Variants in CDH4 observed in about 807,000 individuals in gnomAD.
CDH4 encodes the protein cadherin 4, also known as cadherin-4.
In CDH4, 33 loss-of-function variants were observed where a neutral mutation model predicts 86.0. The ratio of observed to expected loss-of-function variants is 0.38; its 90% CI spans 0.29 to 0.51. CDH4 has a LOEUF of 0.51. Ranked by LOEUF, CDH4 falls within the 20% of genes least tolerant of loss-of-function variation. The pLI is 0.86. For missense variants in CDH4, 1,114 were observed against 1,307.4 expected, an observed-to-expected ratio of 0.85 and a Z score of 2.28; for synonymous variants, 555 against 549.4, an observed-to-expected ratio of 1.01 and a Z score of -0.14.
intron 2 of CDH4, among the ~76,000 whole-genome samples, chr20:61,659,242 G>A (rs1299251120): frequency 3.3e-5 from 5 of 152,188 alleles, no homozygotes; most frequent in African/African-American, 1.2e-4. Flanking sequence ...CTTGTACATC[G>A]GGTTAGTGTA....
Position 61,709,797 on chromosome 20 carries a change from T to C in CDH4, c.170-33766T>C, listed in dbSNP as rs1252530297. Among the ~76,000 whole-genome samples, 1 of 152,150 alleles carries C rather than the reference T, an allele frequency of 6.6e-6. No individual in the cohort carries two copies. The highest frequency in any genetic ancestry group is 2.4e-5 in the African/African-American group (1 of 41,422). On this transcript the variant is annotated intron_variant, in intron 2 of 15. Transcript: ENST00000614565. This position sits in a 1 kb window ranked among gnomAD's most constrained non-coding sequence, Gnocchi z 4.8. Reference sequence around the variant, plus strand: ...GGAGCGGGAGGTAGAGGTTCTTTCTTCTTGTTTTCCCACAGATGGCACAAG... The same window carrying C: ...GGAGCGGGAGGTAGAGGTTCTTTCTCCTTGTTTTCCCACAGATGGCACAAG...
chr20:61,609,602 A>C (rs1161514029), intron 2 of CDH4, among the ~76,000 whole-genome samples: 3 of 152,212 alleles, frequency 2.0e-5, no homozygotes, highest in African/African-American at 7.2e-5. Context: ...CAAGTTCCAC[A>C]GGGAAATTCC....
intron 2 of CDH4, among the ~76,000 whole-genome samples, chr20:61,456,014 GA>G (rs2085405046): frequency 1.3e-5 from 2 of 152,020 alleles, no homozygotes; most frequent in African/African-American, 4.8e-5. Context: ...TATATGGAGG[GA>G]GGGAGAGAAG....
At chr20:61,851,499 C>T (rs1600711236) in intron 5 of CDH4, among the ~76,000 whole-genome samples, 2 of 152,136 alleles carry the variant, frequency 1.3e-5, no homozygotes. Context: ...TGTGGAGACC[C>T]GTCTGGCATG....
chr20:61,260,019 A>G (rs1163401378), intron 2 of CDH4, among the ~76,000 whole-genome samples: 1 of 152,200 alleles, frequency 6.6e-6, no homozygotes, highest in Non-Finnish European at 1.5e-5. Flanking sequence ...ACAATGGCAG[A>G]GCCCTGGACT....
intron 2 of CDH4, among the ~76,000 whole-genome samples, chr20:61,622,902 G>A (rs560624953): frequency 6.3e-4 from 96 of 152,296 alleles, no homozygotes; most frequent in African/African-American, 2.2e-3. Flanking sequence ...AGGGGAGGTG[G>A]CTGCGGAGTT....
At chr20:61,720,447 G>T (rs1218891629) in intron 2 of CDH4, among the ~76,000 whole-genome samples, 1 of 148,846 alleles carries the variant, frequency 6.7e-6, no homozygotes, top group Non-Finnish European at 1.5e-5. Context: ...AGATGTAGGG[G>T]TGCAGAGTGG....
intron 2 of CDH4, among the ~76,000 whole-genome samples, chr20:61,330,717 C>T (rs753168658): frequency 6.6e-6 from 1 of 152,154 alleles, no homozygotes; most frequent in Non-Finnish European, 1.5e-5. Flanking sequence ...CTTGGGAATT[C>T]GCTTTTCTCA....
chr20:61,303,102 A>G (rs2427060), intron 2 of CDH4, among the ~76,000 whole-genome samples: 124,345 of 152,146 alleles, frequency 0.82, 51,742 homozygotes, highest in East Asian at 0.92. Context: ...ACATTAAGCC[A>G]TGGGGTTTGT....
intron 2 of CDH4, among the ~76,000 whole-genome samples, chr20:61,257,019 A>G (rs1832936): frequency 0.98 from 150,031 of 152,366 alleles, 73,896 homozygotes; most frequent in East Asian, 1. Context: ...ACAAGACCAC[A>G]GTGAGGAGGC....
chr20:61,577,381 A>G (rs1297664090), intron 2 of CDH4, among the ~76,000 whole-genome samples: 1 of 151,066 alleles, frequency 6.6e-6, no homozygotes, highest in Non-Finnish European at 1.5e-5. Context: ...GGATGAGTGG[A>G]TGTTTGTATA....
intron 2 of CDH4, among the ~76,000 whole-genome samples, chr20:61,629,225 G>A (rs1394546750): frequency 1.3e-5 from 2 of 152,150 alleles, no homozygotes; most frequent in East Asian, 3.9e-4. Flanking sequence ...AGGCGGTGCA[G>A]GCCAGGGAGC....
intron 2 of CDH4, among the ~76,000 whole-genome samples, chr20:61,487,697 G>T (rs1037198321): frequency 3.9e-5 from 6 of 152,182 alleles, no homozygotes; most frequent in Non-Finnish European, 8.8e-5. Context: ...CAATTTTCCA[G>T]CTAGAAATCT....
intron 2 of CDH4, among the ~76,000 whole-genome samples, chr20:61,615,130 G>GTT (rs11477544): frequency 6.7e-6 from 1 of 150,044 alleles, no homozygotes; most frequent in Non-Finnish European, 1.5e-5. Context: ...TGTTTTTTTG[G>GTT]TTTTTTTTTT....
At chr20:61,407,660 G>T (rs1286345571) in intron 2 of CDH4, among the ~76,000 whole-genome samples, 2 of 152,170 alleles carry the variant, frequency 1.3e-5, no homozygotes, top group African/African-American at 4.8e-5. Context: ...ACATGTGAAG[G>T]AATGTGCAGA....
intron 2 of CDH4, among the ~76,000 whole-genome samples, chr20:61,621,618 A>G (rs1230907715): frequency 2.0e-5 from 3 of 152,198 alleles, no homozygotes; most frequent in African/African-American, 7.2e-5. Context: ...TACAGCACAC[A>G]CGAGCATCAG....
chr20:61,868,429 G>A (rs1442866838), intron 6 of CDH4, among the ~76,000 whole-genome samples: 1 of 152,198 alleles, frequency 6.6e-6, no homozygotes, highest in Admixed American at 6.5e-5. Flanking sequence ...CCAACAAGGG[G>A]TGAGAGGCAC....
At chr20:61,850,422 T>C (rs1000276009) in intron 5 of CDH4, among the ~76,000 whole-genome samples, 1 of 152,212 alleles carries the variant, frequency 6.6e-6, no homozygotes, top group Admixed American at 6.5e-5. Context: ...CCTCATGGAC[T>C]GTTCCCAGTT....
chr20:61,259,912 C>T (rs185485681), intron 2 of CDH4, among the ~76,000 whole-genome samples: 1 of 152,178 alleles, frequency 6.6e-6, no homozygotes, highest in Non-Finnish European at 1.5e-5. Context: ...ACTTCTTCCT[C>T]CTACCTGGAA....
Sources: gnomAD v4.1 joint callset for allele counts (sites outside exome capture counted in the v4.1 genomes callset) on GRCh38, gnomAD v4.1.1 for gene constraint, Gnocchi (gnomAD v3.1) non-coding constraint, MANE v1.5 for transcripts, NCBI Gene and HGNC (gene_info 2026-07-23, HGNC 2026-07-21) for gene names.